EPHA10: variants seen among roughly 807,000 people sequenced by gnomAD.
The protein encoded by EPHA10 is ephrin type-A receptor 10.
A neutral mutation model predicts 109.7 loss-of-function variants in EPHA10; 120 were observed. That is an observed-to-expected ratio of 1.09 (90% CI 0.94 to 1.27). The LOEUF (loss-of-function observed/expected upper bound fraction) is 1.27, where lower values mean the gene tolerates loss of function less well. Among genes scored for constraint, EPHA10 ranks in the 50% most tolerant of loss-of-function variants. EPHA10 has a pLI of 0.00. For missense variants in EPHA10, 1,396 were observed against 1,411.1 expected (o/e 0.99, Z 0.17); for synonymous variants, 640 against 618.9 (o/e 1.03, Z -0.51).
At chr1:37,735,609 A>G (rs959901071) in intron 5 of EPHA10, among the ~76,000 whole-genome samples, 1 of 152,096 alleles carries the variant, frequency 6.6e-6, no homozygotes, top group Non-Finnish European at 1.5e-5. Context: ...CTGCCCCCAC[A>G]GCCCTTTTCT....
At position 37,731,571 on chromosome 1, in the gene EPHA10, C is replaced by T; in HGVS notation, c.1503G>A (p.Glu501=). The T allele has an allele frequency of 6.2e-7, 1 of 1,611,300 alleles. No homozygotes were observed. Among genetic ancestry groups the T allele is most frequent in the Non-Finnish European group, 8.5e-7 (1 of 1,178,504 alleles). ...CTGTCTTCACCATGGAGTAAGTCTG[C>T]TCACTCTGACCCTGGAGAGAGATCA... The part of the protein sequence containing the change: ...EIRYYEKGQS[E]QTYSMVKTGA... Residue 501 remains glutamate, a synonymous_variant, in exon 7 of 17, where the codon GAG becomes GAA. Coordinates refer to ENST00000373048, the MANE Select transcript of EPHA10 (RefSeq NM_001099439.2).
chr1:37,714,627 G>C (rs982809566), downstream of EPHA10: 5 of 152,242 alleles, frequency 3.3e-5, no homozygotes, highest in African/African-American at 1.2e-4. Context: ...TTGGAGACAG[G>C]CCCTTTAAAG....
intron 5 of EPHA10, among the ~76,000 whole-genome samples, chr1:37,741,459 G>GTA (rs1242729922): frequency 6.6e-6 from 1 of 152,118 alleles, no homozygotes; most frequent in Non-Finnish European, 1.5e-5. Flanking sequence ...GTCTTAAATG[G>GTA]TATATATATC....
At chr1:37,732,312 T>G (rs1438257301) in intron 6 of EPHA10, among the ~76,000 whole-genome samples, 1 of 152,086 alleles carries the variant, frequency 6.6e-6, no homozygotes, top group African/African-American at 2.4e-5. Flanking sequence ...GCAGAGCCCG[T>G]GTTTTTTGCT....
At chr1:37,722,310 C>A in intron 10 of EPHA10, 1 of 249,510 alleles carries the variant, frequency 4.0e-6, no homozygotes, top group Non-Finnish European at 8.1e-6. Context: ...AAAGAAAGGA[C>A]AGGGCATATG....
intron 5 of EPHA10, among the ~76,000 whole-genome samples, chr1:37,745,584 C>T (rs535933257): frequency 6.6e-6 from 1 of 152,192 alleles, no homozygotes; most frequent in Non-Finnish European, 1.5e-5. Context: ...CATGGTGGCT[C>T]ATACCTGTAA....
Position 37,752,905 on chromosome 1 carries a change from G to A in EPHA10, c.1328C>T (p.Ala443Val), listed in dbSNP as rs1039566530. 226 of 1,313,996 alleles carry A rather than the reference G, an allele frequency of 1.7e-4. No individual in the cohort carries two copies. The highest frequency in any genetic ancestry group is 2.1e-4 in the Non-Finnish European group (220 of 1,034,670). 81.4% of individuals were successfully genotyped at this position (1,313,996 alleles called of 1,614,324 possible). Residue 443 changes from alanine to valine, a missense_variant, in exon 5 of 17, where the codon GCG becomes GTG. Transcript: ENST00000373048. ...GPAAAAGTTY[A>V]QVTVSTGPGA... The stretch of plus-strand genomic sequence containing the variant: ...GGGCCCGGTGGAGACGGTGACCTGC[G>A]CGTAGGTGGTTCCCGCGGCGGCCGC...
Position 37,764,987 on chromosome 1 carries a change from G to C in EPHA10, c.80C>G (p.Pro27Arg), listed in dbSNP as rs768050906. Reference sequence around the variant, plus strand: ...TTCCTCGGCGGTCCCAGGCCGCCAGGGTCCCAAAAGCAGCGCGAGACAGAG... The same window carrying C: ...TTCCTCGGCGGTCCCAGGCCGCCAGCGTCCCAAAAGCAGCGCGAGACAGAG... ...MQLCLALLLG[P>R]WRPGTAEEVI... The change falls in exon 1 of 17, where the codon CCC becomes CGC. Residue 27 changes from proline to arginine, a missense_variant. Pro to Arg is a moderately radical substitution (Grantham distance 103). Transcript: ENST00000373048. The surrounding 1 kb of genome is among the most constrained non-coding windows in gnomAD (Gnocchi z 5.8). 64 of 1,610,324 alleles carry C rather than the reference G, an allele frequency of 4.0e-5. No homozygotes were observed. In the Middle Eastern group the frequency reaches 1.3e-3, roughly 33 times the overall value.
intron 6 of EPHA10, among the ~76,000 whole-genome samples, chr1:37,732,906 T>TTG (rs1646011036): frequency 8.9e-6 from 1 of 112,950 alleles, no homozygotes; most frequent in Non-Finnish European, 1.8e-5. Flanking sequence ...TTTTTTTTTT[T>TTG]TGAGGCAGAG....
At chr1:37,719,713 T>C (rs760165773) in intron 14 of EPHA10, 106 bp from the exon 15 acceptor site, 28 of 1,393,388 alleles carry the variant, frequency 2.0e-5, no homozygotes, top group Admixed American at 1.1e-4. Flanking sequence ...CACACACACA[T>C]GCGCACACAC....
rs1645720657 is a variant in EPHA10, at chr1:37,718,128, G to T, written c.*244C>A. 1 of 504,088 alleles carries T rather than the reference G, an allele frequency of 2.0e-6. No individual in the cohort carries two copies. Among genetic ancestry groups the T allele is most frequent in the Non-Finnish European group, 3.5e-6 (1 of 287,102 alleles). The allele number at this position is 504,088 out of a possible 1,614,324, so 31.2% of individuals were successfully genotyped here. A position where few individuals can be genotyped will look rare whatever the true frequency, so the allele number is the denominator to read the frequency against. On this transcript the variant is annotated 3_prime_UTR_variant, in exon 17 of 17. Transcript: ENST00000373048. ...GAATTTCCTCCTGCTGTTATCTCAGGGGTCCTCCCTAGGGATTTGAACCTC... is the reference window on the plus strand; with the variant it reads ...GAATTTCCTCCTGCTGTTATCTCAGTGGTCCTCCCTAGGGATTTGAACCTC...
intron 8 of EPHA10, among the ~76,000 whole-genome samples, chr1:37,725,581 G>C (rs1473705345): frequency 6.6e-6 from 1 of 150,998 alleles, no homozygotes; most frequent in Non-Finnish European, 1.5e-5. Flanking sequence ...GAACAGAAGA[G>C]ATGATCCTTG....
In EPHA10 at chr1:37,764,007, C is replaced by CAGCA. The variant is rs746359650; in HGVS notation, c.106+950_106+953dup. ...TTTATTCCCCCAGGAGGCATCGGATCAGCAGCCTGCAACCTCTCAGCATGG... is the reference window on the plus strand; with the variant it reads ...TTTATTCCCCCAGGAGGCATCGGATCAGCAAGCAGCCTGCAACCTCTCAGCATGG... On this transcript the variant is annotated intron_variant, in intron 1 of 16. Transcript: ENST00000373048. This position sits in a 1 kb window ranked among gnomAD's most constrained non-coding sequence, Gnocchi z 5.8. Among the ~76,000 whole-genome samples the CAGCA allele has an allele frequency of 8.8e-4, 134 of 152,158 alleles. No homozygotes were observed. The highest frequency in any genetic ancestry group is 3.2e-4 in the Non-Finnish European group (22 of 68,030).
At chr1:37,720,995 C>T (rs1645785175) in intron 11 of EPHA10, 151 bp from the exon 12 acceptor site, 2 of 682,862 alleles carry the variant, frequency 2.9e-6, no homozygotes, top group Admixed American at 2.6e-5. Context: ...AGCCCAGGGT[C>T]CTCTATGCCA....
intron 15 of EPHA10, chr1:37,719,177 G>T (rs1395887156): frequency 1.7e-6 from 1 of 601,194 alleles, no homozygotes; most frequent in African/African-American, 1.9e-5. Flanking sequence ...TATTTCTCCA[G>T]TCAAAGGTCA....
At position 37,723,163 on chromosome 1, in the gene EPHA10, T is replaced by C. The variant is rs1569638637; in HGVS notation, c.1838A>G (p.Lys613Arg). Residue 613 changes from lysine to arginine, a missense_variant, in exon 10 of 17, where the codon AAA (lysine) becomes AGA (arginine). By Grantham distance (26) the Lys-to-Arg change is conservative. Coordinates refer to ENST00000373048, the MANE Select transcript of EPHA10 (RefSeq NM_001099439.2). ...CAGGAATGTGCGACGTGTTGGGACT[T>C]TGACTGGGAGAGAAAGAGATGAGCC... The part of the protein sequence containing the change: ...HDEEELYFHF[K>R]VPTRRTFLDP... The C allele has an allele frequency of 6.2e-7, 1 of 1,613,084 alleles. No homozygotes were observed. Among genetic ancestry groups the C allele is most frequent in the Non-Finnish European group, 8.5e-7 (1 of 1,179,414 alleles).
rs919266826 is a variant in EPHA10 at position 37,717,561 on chromosome 1, C to T, written c.*811G>A. ...GCTGGAGAGAAAAGCTCTTGGGTCC[C>T]TGGGGAGATAACATGGCCCTTTATG... On this transcript the variant is annotated 3_prime_UTR_variant, in exon 17 of 17. Transcript: ENST00000373048. 3.5e-5 allele frequency: 8 copies of T among 231,716 alleles called. No individual in the cohort carries two copies. The Admixed American group carries it at 4.5e-4, about 13-fold the overall frequency. 14.4% of individuals were successfully genotyped at this position (231,716 alleles called of 1,614,324 possible).
In EPHA10 at chr1:37,721,270, A is replaced by G. The variant is rs1288937835; in HGVS notation, c.2146+390T>C. Among the ~76,000 whole-genome samples the G allele has an allele frequency of 3.3e-5, 5 of 150,218 alleles. No individual in the cohort carries two copies. The South Asian group carries it at 8.4e-4, about 25-fold the overall frequency. ...CCGTCTCTACTAAAAAAAAAAAAAAACAAAAAAATTAGCCGGGCCTGGTGG... is the reference window on the plus strand; with the variant it reads ...CCGTCTCTACTAAAAAAAAAAAAAAGCAAAAAAATTAGCCGGGCCTGGTGG... On this transcript the variant is annotated intron_variant, in intron 11 of 16. Transcript: ENST00000373048.
At chr1:37,729,578 G>A (rs1437688202) in intron 7 of EPHA10, among the ~76,000 whole-genome samples, 1 of 151,786 alleles carries the variant, frequency 6.6e-6, no homozygotes, top group Non-Finnish European at 1.5e-5. Context: ...AAAGAAAAAA[G>A]AAAAAGATCC....
Sources: gnomAD v4.1 joint callset for allele counts (sites outside exome capture counted in the v4.1 genomes callset) on GRCh38, gnomAD v4.1.1 for gene constraint, Gnocchi (gnomAD v3.1) non-coding constraint, MANE v1.5 for transcripts, NCBI Gene and HGNC (gene_info 2026-07-23, HGNC 2026-07-21) for gene names.